BIRC6: variants seen among roughly 807,000 people sequenced by gnomAD.
BIRC6 encodes baculoviral IAP repeat containing 6, also known as dual E2 ubiquitin-conjugating enzyme/E3 ubiquitin-protein ligase BIRC6.
BIRC6 carries 98 observed loss-of-function variants against 503.3 expected under a neutral mutation model. The ratio of observed to expected loss-of-function variants is 0.19; its 90% CI spans 0.17 to 0.23. BIRC6 has a LOEUF of 0.23. BIRC6 is among the 10% of genes least tolerant of loss of function. The pLI, the probability that BIRC6 is intolerant of heterozygous loss-of-function variation, is 1.00. For synonymous variants in BIRC6, 2,240 were observed against 2,078.7 expected, an observed-to-expected ratio of 1.08 and a Z score of -2.11; for missense variants, 5,360 against 5,806.0, an observed-to-expected ratio of 0.92 and a Z score of 2.50.
intron 21 of BIRC6, among the ~76,000 whole-genome samples, chr2:32,447,102 G>A (rs370248487): frequency 2.7e-5 from 4 of 146,278 alleles, no homozygotes; most frequent in East Asian, 4.0e-4. Context: ...CCCAAGGCAG[G>A]AGAATTTTTC....
rs755725300 is a variant in BIRC6 at position 32,617,875 on chromosome 2, A to G, written c.14545A>G (p.Lys4849Glu). Reference protein sequence around the residue: ...MHDQVKPSSSKELPSDFQL With the variant: ...MHDQVKPSSSEELPSDFQL Reference sequence around the variant, plus strand: ...TGATCAGGTTAAACCCAGCAGCAGCAAAGAACTCCCCAGTGACTTCCAGTT... The same window carrying G: ...TGATCAGGTTAAACCCAGCAGCAGCGAAGAACTCCCCAGTGACTTCCAGTT... Residue 4849 changes from lysine to glutamate, a missense_variant, in exon 74 of 74, where the codon AAA (lysine) becomes GAA (glutamate). By Grantham distance (56) the Lys-to-Glu change is moderately conservative. Around this residue, in one of 16 missense-constraint regions of BIRC6, gnomAD observed 140 missense variants for 130.2 expected, o/e 1.07. Transcript: ENST00000421745. The G allele has an allele frequency of 6.2e-7, 1 of 1,613,620 alleles. No homozygotes were observed. Among genetic ancestry groups the G allele is most frequent in the African/African-American group, 1.3e-5 (1 of 74,956 alleles).
chr2:32,475,159 TAAAAAAA>T (rs11394641), intron 33 of BIRC6, among the ~76,000 whole-genome samples: 2 of 114,254 alleles, frequency 1.8e-5, no homozygotes, highest in Non-Finnish European at 3.4e-5. Context: ...AAGACTATCT[TAAAAAAA>T]AAAAAAAAAA....
At chr2:32,573,911 G>A (rs2060084113) in intron 65 of BIRC6, among the ~76,000 whole-genome samples, 1 of 151,878 alleles carries the variant, frequency 6.6e-6, no homozygotes, top group African/African-American at 2.4e-5. Flanking sequence ...ATATTATCTG[G>A]TGTATTTAAT....
At chr2:32,584,196 G>T (rs377255078) in intron 66 of BIRC6, among the ~76,000 whole-genome samples, 19 of 152,072 alleles carry the variant, frequency 1.2e-4, no homozygotes, top group African/African-American at 4.6e-4. Flanking sequence ...AATATAACGA[G>T]ACCCCCATCT....
intron 61 of BIRC6, among the ~76,000 whole-genome samples, chr2:32,536,367 A>G (rs914873129): frequency 5.3e-5 from 8 of 152,190 alleles, no homozygotes; most frequent in African/African-American, 1.9e-4. Context: ...TGTTTTAGAC[A>G]TGACGTCCTT....
chr2:32,609,713 G>A (rs1365753332), intron 72 of BIRC6, among the ~76,000 whole-genome samples: 1 of 149,112 alleles, frequency 6.7e-6, no homozygotes, highest in African/African-American at 2.5e-5. Context: ...TCGCGCCACG[G>A]CACTCCAGCC....
intron 1 of BIRC6, among the ~76,000 whole-genome samples, chr2:32,375,815 C>T (rs565474826): frequency 4.0e-5 from 6 of 149,406 alleles, no homozygotes; most frequent in Middle Eastern, 3.4e-3. Context: ...GGGAACACTT[C>T]GAGCATCACT....
intron 45 of BIRC6, among the ~76,000 whole-genome samples, chr2:32,498,629 C>T (rs1389799435): frequency 2.0e-5 from 3 of 151,916 alleles, no homozygotes; most frequent in Admixed American, 6.6e-5. Flanking sequence ...GCTCTGTCAC[C>T]CAGGCTAGAG....
At chr2:32,362,026 T>C (rs1314794491) in intron 1 of BIRC6, among the ~76,000 whole-genome samples, 1 of 152,198 alleles carries the variant, frequency 6.6e-6, no homozygotes, top group Non-Finnish European at 1.5e-5. Flanking sequence ...AGACATAAGT[T>C]TTCAAATCAT....
rs1431688370 is a variant in BIRC6, at chr2:32,430,422, C to T, written c.3023-443C>T. On this transcript the variant is annotated intron_variant, in intron 11 of 73. Coordinates refer to ENST00000421745, the MANE Select transcript of BIRC6 (RefSeq NM_016252.4). ...TATTTCTTTACCACATAGCTTTTGA[C>T]TGTTTTAGTGTTTTATTCATATGTT... Among the ~76,000 whole-genome samples the T allele has an allele frequency of 2.0e-5, 3 of 152,220 alleles. No individual in the cohort carries two copies. The East Asian group carries it at 5.8e-4, about 29-fold the overall frequency.
intron 60 of BIRC6, among the ~76,000 whole-genome samples, chr2:32,530,541 A>G (rs562805154): frequency 2.0e-5 from 3 of 152,224 alleles, no homozygotes; most frequent in South Asian, 2.1e-4. Context: ...TTGAATATCC[A>G]TTTTTGAATT....
intron 40 of BIRC6, among the ~76,000 whole-genome samples, chr2:32,486,290 C>T (rs1333784263): frequency 6.6e-6 from 1 of 152,264 alleles, no homozygotes; most frequent in Non-Finnish European, 1.5e-5. Flanking sequence ...TTTAGGCTTT[C>T]CTTGCCATAT....
At chr2:32,396,951 C>T (rs979292784) in intron 6 of BIRC6, among the ~76,000 whole-genome samples, 7 of 152,106 alleles carry the variant, frequency 4.6e-5, no homozygotes, top group African/African-American at 1.4e-4. Flanking sequence ...TGGTCTCGAA[C>T]TCCTGAGCTC....
At chr2:32,464,925 C>A in intron 25 of BIRC6, 102 bp downstream of exon 25, 3 of 1,425,392 alleles carry the variant, frequency 2.1e-6, no homozygotes, top group Non-Finnish European at 2.8e-6. Context: ...CTAGATGTAT[C>A]AAGTTATTTT....
In BIRC6 at chr2:32,594,069, CTT is replaced by C; in HGVS notation, c.13501+12_13501+13del. 6.2e-7 allele frequency: 1 copy of C among 1,600,506 alleles called. No homozygotes were observed. ...GCGGCAAGCAAATCAGGGTACAAAA[CTT>C]TTCCTATTATGCCACTTTTCATTTG... On this transcript the variant is annotated intron_variant, in intron 67 of 73. Transcript: ENST00000421745.
At chr2:32,553,372 A>G (rs2058569377) in intron 65 of BIRC6, among the ~76,000 whole-genome samples, 1 of 151,794 alleles carries the variant, frequency 6.6e-6, no homozygotes, top group Non-Finnish European at 1.5e-5. Flanking sequence ...TAGATACGTA[A>G]ATGAATGGAG....
intron 8 of BIRC6, among the ~76,000 whole-genome samples, chr2:32,403,897 G>A (rs2040875290): frequency 6.7e-6 from 1 of 150,150 alleles, no homozygotes; most frequent in African/African-American, 2.5e-5. Flanking sequence ...ACATTTATAT[G>A]TATTCTAGTT....
At position 32,357,133 on chromosome 2, in the gene BIRC6, A is replaced by T. The variant is rs1427746470; in HGVS notation, c.-29A>T. ...CGGGCGCCTGACTTCACTTCCGGCT[A>T]ACGCGCTCGGCTTGCCCCCTGGCCC... On this transcript the variant is annotated 5_prime_UTR_variant, in exon 1 of 74. Coordinates refer to ENST00000421745, the MANE Select transcript of BIRC6 (RefSeq NM_016252.4). The surrounding 1 kb of genome is among the most constrained non-coding windows in gnomAD (Gnocchi z 4.9). The T allele has an allele frequency of 6.8e-7, 1 of 1,460,076 alleles. No homozygotes were observed. The highest frequency in any genetic ancestry group is 1.4e-5 in the South Asian group (1 of 71,784). 90.4% of individuals were successfully genotyped at this position (1,460,076 alleles called of 1,614,324 possible).
intron 65 of BIRC6, chr2:32,563,493 A>G (rs940451658): frequency 2.0e-5 from 3 of 152,202 alleles, no homozygotes; most frequent in African/African-American, 7.2e-5. Context: ...CCTATATTTG[A>G]AAAATAAAAA....
Sources: allele counts gnomAD v4.1 joint callset (sites outside exome capture counted in the v4.1 genomes callset), GRCh38; gene constraint gnomAD v4.1.1; regional missense constraint gnomAD v4.1.1; non-coding constraint Gnocchi (gnomAD v3.1); transcripts MANE v1.5; gene names NCBI Gene and HGNC (gene_info 2026-07-23, HGNC 2026-07-21).